Variants in TANC2 observed in about 807,000 individuals in gnomAD.
TANC2 encodes the protein protein TANC2.
Under a neutral mutation model 210.5 loss-of-function variants are expected in TANC2, and 26 were observed. The ratio of observed to expected loss-of-function variants is 0.12; its 90% confidence interval spans 0.09 to 0.17. The LOEUF is 0.17. Among genes scored for constraint, TANC2 ranks in the 10% least tolerant of loss-of-function variants. The pLI is 1.00. For synonymous variants in TANC2, 931 were observed against 967.1 expected, an observed-to-expected ratio of 0.96 and a Z score of 0.69; for missense variants, 2,129 against 2,608.9, an observed-to-expected ratio of 0.82 and a Z score of 4.01.
chr17:63,150,947 C>G (rs1419006931), intron 4 of TANC2: 1 of 151,572 alleles, frequency 6.6e-6, no homozygotes, highest in African/African-American at 2.4e-5. Context: ...ACAATTTATA[C>G]TAATAGTTTT....
At chr17:63,026,008 C>T (rs371942262) in intron 2 of TANC2, among the ~76,000 whole-genome samples, 3 of 151,904 alleles carry the variant, frequency 2.0e-5, no homozygotes, top group Admixed American at 1.3e-4. Context: ...TCCTCCTACT[C>T]GAGGACTCCT....
intron 2 of TANC2, 48 bp from the exon 3 acceptor site, chr17:63,073,895 T>C (rs1209682002): frequency 1.4e-6 from 2 of 1,457,620 alleles, no homozygotes; most frequent in Non-Finnish European, 1.9e-6. Context: ...GACACTGTTA[T>C]GTCAATCTCA....
chr17:62,992,347 A>G (rs2032911079), intron 1 of TANC2, among the ~76,000 whole-genome samples: 1 of 152,212 alleles, frequency 6.6e-6, no homozygotes, highest in Admixed American at 6.5e-5. Flanking sequence ...TTGCATAGCC[A>G]TGGCCCATCC....
intron 1 of TANC2, among the ~76,000 whole-genome samples, chr17:62,994,653 A>G (rs1041617808): frequency 6.6e-6 from 1 of 152,172 alleles, no homozygotes; most frequent in Non-Finnish European, 1.5e-5. Context: ...TTGGTATATT[A>G]CATTGATTTT....
intron 2 of TANC2, among the ~76,000 whole-genome samples, chr17:63,021,420 A>C (rs2034342520): frequency 6.6e-6 from 1 of 152,024 alleles, no homozygotes; most frequent in African/African-American, 2.4e-5. Context: ...CTTTTGTGAG[A>C]GCTGGTTGTT....
intron 5 of TANC2, among the ~76,000 whole-genome samples, chr17:63,172,182 T>TCTTTC (rs2145579280): frequency 6.6e-6 from 1 of 151,356 alleles, no homozygotes; most frequent in South Asian, 2.1e-4. Flanking sequence ...TCTTTTTCTT[T>TCTTTC]CTTTTCTTTT....
intron 15 of TANC2, among the ~76,000 whole-genome samples, chr17:63,387,170 G>C (rs936826087): frequency 3.9e-5 from 6 of 152,056 alleles, no homozygotes; most frequent in African/African-American, 1.4e-4. Context: ...TTTTTAATAG[G>C]AAAGTTCAAT....
At chr17:63,017,918 G>A (rs1434154298) in intron 2 of TANC2, among the ~76,000 whole-genome samples, 1 of 152,112 alleles carries the variant, frequency 6.6e-6, no homozygotes, top group African/African-American at 2.4e-5. Context: ...AGGGCAAGAG[G>A]ATCTCTTGTG....
chr17:63,138,360 AC>A (rs979183440), intron 4 of TANC2, among the ~76,000 whole-genome samples: 3 of 152,194 alleles, frequency 2.0e-5, no homozygotes, highest in Admixed American at 1.3e-4. Context: ...TTGTACTGTA[AC>A]TGTAGTGATA....
At chr17:63,207,254 C>T (rs1463424355) in intron 7 of TANC2, among the ~76,000 whole-genome samples, 13 of 112,818 alleles carry the variant, frequency 1.2e-4, no homozygotes, top group African/African-American at 1.1e-4. Context: ...CTCGCACTTT[C>T]GCCCAGGCTG....
At chr17:63,028,035 C>CT (rs1026968216) in intron 2 of TANC2, among the ~76,000 whole-genome samples, 2 of 151,868 alleles carry the variant, frequency 1.3e-5, no homozygotes, top group African/African-American at 4.8e-5. Context: ...AGTCATGATT[C>CT]TTTGAGTTGT....
At chr17:63,342,836 G>A (rs1345056103) in intron 12 of TANC2, among the ~76,000 whole-genome samples, 1 of 152,148 alleles carries the variant, frequency 6.6e-6, no homozygotes, top group Non-Finnish European at 1.5e-5. Flanking sequence ...TAATTCATAT[G>A]TTTTATAGTT....
At chr17:63,215,837 C>T (rs2145898041) in intron 7 of TANC2, among the ~76,000 whole-genome samples, 1 of 152,164 alleles carries the variant, frequency 6.6e-6, no homozygotes, top group African/African-American at 2.4e-5. Context: ...GCAAGCTCCA[C>T]CTCCTGGGTT....
chr17:63,356,072 A>G (rs1363421675), intron 14 of TANC2, among the ~76,000 whole-genome samples: 1 of 152,060 alleles, frequency 6.6e-6, no homozygotes, highest in Non-Finnish European at 1.5e-5. Context: ...CAAGTGCATG[A>G]TATATCCCAC....
chr17:63,393,225 T>C (rs900380217), intron 17 of TANC2: 2 of 152,194 alleles, frequency 1.3e-5, no homozygotes, highest in Admixed American at 6.5e-5. Flanking sequence ...CACTGTGAGA[T>C]TGAGTGTATA....
chr17:63,242,609 A>G (rs1248081934), intron 8 of TANC2, among the ~76,000 whole-genome samples: 1 of 152,138 alleles, frequency 6.6e-6, no homozygotes, highest in Admixed American at 6.5e-5. Context: ...ATTATAATAT[A>G]TGTAAGAGAG....
chr17:63,015,299 TTTATTA>T (rs1190960445), intron 2 of TANC2, among the ~76,000 whole-genome samples: 1 of 152,084 alleles, frequency 6.6e-6, no homozygotes, highest in African/African-American at 2.4e-5. Context: ...TTATATCAAA[TTTATTA>T]AAATAAGATA....
At chr17:63,284,920 G>A (rs766187075) in intron 9 of TANC2, among the ~76,000 whole-genome samples, 13 of 152,052 alleles carry the variant, frequency 8.5e-5, no homozygotes, top group South Asian at 2.1e-4. Context: ...TTATTAGAGC[G>A]TGTATTTAGG....
intron 1 of TANC2, among the ~76,000 whole-genome samples, chr17:62,981,846 A>AT (rs2032318183): frequency 6.6e-6 from 1 of 152,222 alleles, no homozygotes; most frequent in Admixed American, 6.5e-5. Flanking sequence ...TAATTGTGTC[A>AT]TAAAGGATAC....
Sources: allele counts gnomAD v4.1 joint callset (sites outside exome capture counted in the v4.1 genomes callset), GRCh38; gene constraint gnomAD v4.1.1; transcripts MANE v1.5; gene names NCBI Gene and HGNC (gene_info 2026-07-23, HGNC 2026-07-21).